The following PUM2 variants were observed in gnomAD, a reference collection of about 807,000 sequenced individuals.
PUM2 encodes pumilio homolog 2.
Under a neutral mutation model 124.5 loss-of-function variants are expected in PUM2, and 57 were observed. That is an observed-to-expected ratio of 0.46 (90% confidence interval 0.37 to 0.57). The LOEUF (loss-of-function observed/expected upper bound fraction) is 0.57, where lower values mean the gene tolerates loss of function less well. PUM2 is among the 20% of genes least tolerant of loss of function. The pLI is 0.00. For synonymous variants in PUM2, 460 were observed against 446.1 expected (o/e 1.03, Z -0.39); for missense variants, 1,065 against 1,290.6 (o/e 0.83, Z 2.68).
intron 7 of PUM2, among the ~76,000 whole-genome samples, chr2:20,299,780 C>T (rs1676516694): frequency 6.6e-6 from 1 of 152,122 alleles, no homozygotes; most frequent in Admixed American, 6.5e-5. Context: ...CTTGTCTAGG[C>T]ACAACACAGC....
At chr2:20,338,328 C>T (rs574971876) in intron 1 of PUM2, among the ~76,000 whole-genome samples, 9 of 152,194 alleles carry the variant, frequency 5.9e-5, no homozygotes, top group East Asian at 1.9e-4. Context: ...ACCCAGGAGG[C>T]GGAGGTTGCA....
chr2:20,323,327 G>A (rs554662046), intron 2 of PUM2, among the ~76,000 whole-genome samples: 43 of 151,688 alleles, frequency 2.8e-4, no homozygotes, highest in Admixed American at 7.9e-4. Flanking sequence ...ACACGCCTGC[G>A]GTCCCAGCTA....
intron 13 of PUM2, among the ~76,000 whole-genome samples, chr2:20,263,907 G>A (rs1254984290): frequency 2.6e-5 from 4 of 151,588 alleles, no homozygotes; most frequent in Non-Finnish European, 4.4e-5. Flanking sequence ...TTTTGCATTC[G>A]GTCATATATA....
Position 20,248,904 on chromosome 2 carries a change from G to C in PUM2, c.*2681C>G, listed in dbSNP as rs1057513272. On this transcript the variant is annotated 3_prime_UTR_variant, in exon 21 of 21. Coordinates refer to ENST00000361078, the MANE Select transcript of PUM2 (RefSeq NM_015317.5). ...AGGAGACACTCAAGAGTAAAGCCTA[G>C]GTAGTTTTGCCCAATTGTTTTATTC... 1 of 152,602 alleles carries C rather than the reference G, an allele frequency of 6.6e-6. No individual in the cohort carries two copies. The highest frequency in any genetic ancestry group is 1.5e-5 in the Non-Finnish European group (1 of 68,052). The allele number at this position is 152,602 out of a possible 1,614,324, so 9.5% of individuals were successfully genotyped here.
chr2:20,294,876 CAG>C (rs1558574752), intron 8 of PUM2, among the ~76,000 whole-genome samples: 1 of 152,186 alleles, frequency 6.6e-6, no homozygotes, highest in South Asian at 2.1e-4. Flanking sequence ...TCGTTTCTCT[CAG>C]AGAATTTTGA....
Position 20,324,279 on chromosome 2 carries a change from G to A in PUM2, c.51+3031C>T, listed in dbSNP as rs926578625. 7.4e-4 allele frequency among the ~76,000 whole-genome samples: 113 copies of A among 152,140 alleles called. 1 individual carries two copies. Among genetic ancestry groups the A allele is most frequent in the Admixed American group, 2.6e-4 (4 of 15,268 alleles). On this transcript the variant is annotated intron_variant, in intron 2 of 20. Transcript: ENST00000361078. Reference sequence around the variant, plus strand: ...ACAAGTCTCCTTCCTCCCCTACCTAGTAAGTCTTCCACTTCACCACACTAC... The same window carrying A: ...ACAAGTCTCCTTCCTCCCCTACCTAATAAGTCTTCCACTTCACCACACTAC...
intron 1 of PUM2, among the ~76,000 whole-genome samples, chr2:20,329,634 A>C (rs1246262902): frequency 2.0e-5 from 3 of 152,062 alleles, no homozygotes; most frequent in Admixed American, 6.6e-5. Context: ...TGACTAGAAG[A>C]AGCTGGTCTC....
chr2:20,269,709 C>T (rs1668587551), intron 13 of PUM2, among the ~76,000 whole-genome samples: 1 of 152,142 alleles, frequency 6.6e-6, no homozygotes, highest in Admixed American at 6.5e-5. Context: ...ATGCAAATTA[C>T]AAGCCAAGTG....
chr2:20,335,750 G>A (rs146361510), intron 1 of PUM2, among the ~76,000 whole-genome samples: 352 of 152,336 alleles, frequency 2.3e-3, no homozygotes, highest in Middle Eastern at 0.01. Context: ...AAAAATTAGT[G>A]TTGTCAACAT....
intron 15 of PUM2, among the ~76,000 whole-genome samples, chr2:20,259,721 C>T (rs1273641911): frequency 6.6e-6 from 1 of 152,144 alleles, no homozygotes; most frequent in Non-Finnish European, 1.5e-5. Flanking sequence ...TTTTGGCTAT[C>T]GTGAATAATG....
Position 20,311,476 on chromosome 2 carries a change from A to G in PUM2, c.518+18T>C. On this transcript the variant is annotated intron_variant, in intron 5 of 20. Coordinates refer to ENST00000361078, the MANE Select transcript of PUM2 (RefSeq NM_015317.5). ...CTAAAAAGATACGCTTTTCTTCTTG[A>G]GAAAGTTAAAATCTTACTTAAAATC... is the stretch of plus-strand genomic sequence containing the variant. 1 of 1,592,994 alleles carries G rather than the reference A, an allele frequency of 6.3e-7. No individual in the cohort carries two copies. Among genetic ancestry groups the G allele is most frequent in the Non-Finnish European group, 8.5e-7 (1 of 1,170,196 alleles).
chr2:20,312,277 GAGA>G lies in PUM2; in HGVS notation c.304_306del (p.Ser102del). 1 of 1,611,104 alleles carries G rather than the reference GAGA, an allele frequency of 6.2e-7. No homozygotes were observed. The highest frequency in any genetic ancestry group is 8.5e-7 in the Non-Finnish European group (1 of 1,178,716). On this transcript the variant is annotated inframe_deletion, in exon 4 of 21. Coordinates refer to ENST00000361078, the MANE Select transcript of PUM2 (RefSeq NM_015317.5). ...AATCGAGAATCCAATTTATCAGCAGGAGAAGAACTTAATACATATTCTACCATG... is the reference window on the plus strand; with the variant it reads ...AATCGAGAATCCAATTTATCAGCAGGAGAACTTAATACATATTCTACCATG...
intron 7 of PUM2, among the ~76,000 whole-genome samples, chr2:20,298,062 C>T (rs1169377417): frequency 6.6e-6 from 1 of 152,170 alleles, no homozygotes; most frequent in African/African-American, 2.4e-5. Context: ...TAGTTTTTCA[C>T]TCAATCTTAT....
At chr2:20,256,669 G>T (rs1572535734) in intron 16 of PUM2, among the ~76,000 whole-genome samples, 1 of 152,164 alleles carries the variant, frequency 6.6e-6, no homozygotes, top group East Asian at 1.9e-4. Flanking sequence ...TATGGGCTAT[G>T]ATTTTTACAT....
intron 13 of PUM2, among the ~76,000 whole-genome samples, chr2:20,276,423 C>T (rs1407649135): frequency 6.6e-6 from 1 of 151,744 alleles, no homozygotes; most frequent in African/African-American, 2.4e-5. Context: ...ATAAAATCTC[C>T]CAGAAAAATA....
upstream of PUM2, among the ~76,000 whole-genome samples, chr2:20,351,663 C>T (rs927418657): frequency 6.6e-6 from 1 of 152,238 alleles, no homozygotes; most frequent in African/African-American, 2.4e-5. Context: ...CTAACCTAAC[C>T]GGCTCCAGGT....
chr2:20,326,400 A>G, intron 2 of PUM2: 3 of 1,304,266 alleles, frequency 2.3e-6, no homozygotes, highest in Non-Finnish European at 3.0e-6. Context: ...AGAGCACAGC[A>G]TTGGATGGAG....
At chr2:20,322,692 A>G (rs1158744867) in intron 2 of PUM2, among the ~76,000 whole-genome samples, 3 of 152,194 alleles carry the variant, frequency 2.0e-5, no homozygotes, top group African/African-American at 7.2e-5. Context: ...AGTCCCAGAC[A>G]CTGGGGAGGC....
Position 20,250,773 on chromosome 2 carries a change from C to G in PUM2, c.*812G>C, listed in dbSNP as rs951914043. ...GCAAAACAAAATACAAATTTCCACT[C>G]TTTCTCATTGCAAACCAAACTGAAA... On this transcript the variant is annotated 3_prime_UTR_variant, in exon 21 of 21. Transcript: ENST00000361078. 1 of 152,572 alleles carries G rather than the reference C, an allele frequency of 6.6e-6. No homozygotes were observed. The highest frequency in any genetic ancestry group is 2.4e-5 in the African/African-American group (1 of 41,446). 9.5% of individuals were successfully genotyped at this position (152,572 alleles called of 1,614,324 possible). A position where few individuals can be genotyped will look rare whatever the true frequency, so the allele number is the denominator to read the frequency against.
Sources: gnomAD v4.1 joint callset for allele counts (sites outside exome capture counted in the v4.1 genomes callset) on GRCh38, gnomAD v4.1.1 for gene constraint, MANE v1.5 for transcripts, NCBI Gene and HGNC (gene_info 2026-07-23, HGNC 2026-07-21) for gene names.